The following GPR137 variants were observed in gnomAD, a reference collection of about 807,000 sequenced individuals.
The protein encoded by GPR137 is G protein-coupled receptor 137, also known as integral membrane protein GPR137.
Under a neutral mutation model 38.9 loss-of-function variants are expected in GPR137, and 20 were observed. That is an observed-to-expected ratio of 0.51 (90% CI 0.36 to 0.75). The LOEUF is 0.75. Ranked by LOEUF, GPR137 falls within the 30% of genes least tolerant of loss-of-function variation. The pLI is 0.00. For missense variants in GPR137, 456 were observed against 526.4 expected (o/e 0.87, Z 1.31); for synonymous variants, 226 against 235.8 (o/e 0.96, Z 0.38).
chr11:64,271,646 C>G (rs987988841), upstream of GPR137: 6 of 1,504,106 alleles, frequency 4.0e-6, no homozygotes, highest in Admixed American at 2.3e-5. Flanking sequence ...CACTCATCCT[C>G]CGGAGCTCGC....
chr11:64,284,393 T>C, upstream of GPR137: 1 of 1,611,978 alleles, frequency 6.2e-7, no homozygotes, highest in Non-Finnish European at 8.5e-7. Context: ...GGACAAGATG[T>C]TACGTAGTCA....
At chr11:64,278,231 C>T (rs1463339364) in intron 2 of GPR137, among the ~76,000 whole-genome samples, 1 of 151,854 alleles carries the variant, frequency 6.6e-6, no homozygotes, top group African/African-American at 2.4e-5. Flanking sequence ...AAATTTGAGG[C>T]TTTATAAATA....
chr11:64,286,116 C>T lies in GPR137; in HGVS notation c.-409C>T. ...GGCATTGGGCGCCCCTCGCAGCGGC[C>T]GCTGCCCTGACCCGACGGGTATCAG... On this transcript the variant is annotated 5_prime_UTR_variant, in exon 1 of 7. Coordinates refer to ENST00000438980, the MANE Select transcript of GPR137 (RefSeq NM_001170880.2). 2.0e-6 allele frequency: 2 copies of T among 1,006,072 alleles called. No individual in the cohort carries two copies. Among genetic ancestry groups the T allele is most frequent in the Non-Finnish European group, 2.4e-6 (2 of 844,072 alleles). 62.3% of individuals were successfully genotyped at this position (1,006,072 alleles called of 1,614,324 possible).
chr11:64,287,699 G>A (rs367782921), intron 2 of GPR137, 22 bp from the exon 3 acceptor site: 14 of 1,601,458 alleles, frequency 8.7e-6, no homozygotes, highest in African/African-American at 1.3e-5. Flanking sequence ...GAGGGCCCGC[G>A]CTGACTGTGC....
upstream of GPR137, chr11:64,285,669 C>G: frequency 1.0e-6 from 1 of 985,146 alleles, no homozygotes. Flanking sequence ...GCACGGCCCC[C>G]GCAACTCGGC....
upstream of GPR137, chr11:64,272,825 T>C (rs1452178101): frequency 3.9e-5 from 6 of 152,292 alleles, no homozygotes; most frequent in Admixed American, 6.5e-5. Context: ...TCCCCTTGTC[T>C]AGCCAGCCTT....
At chr11:64,276,933 C>A (rs1041823895) in intron 2 of GPR137, 5 of 761,226 alleles carry the variant, frequency 6.6e-6, no homozygotes, top group Non-Finnish European at 1.2e-5. Flanking sequence ...GCGTGTTGGG[C>A]TTCTGAGTCA....
chr11:64,281,093 GAGT>G (rs1319764068), upstream of GPR137, among the ~76,000 whole-genome samples: 1 of 151,186 alleles, frequency 6.6e-6, no homozygotes, highest in Non-Finnish European at 1.5e-5. Flanking sequence ...TCAGCCTCCA[GAGT>G]AGCTGGGACT....
chr11:64,284,570 C>A, upstream of GPR137: 1 of 1,493,582 alleles, frequency 6.7e-7, no homozygotes. Context: ...CTCAGTCTCC[C>A]CTCAGAACCC....
At chr11:64,282,911 AAAAT>A (rs1186244125), upstream of GPR137, among the ~76,000 whole-genome samples, 1 of 151,910 alleles carries the variant, frequency 6.6e-6, no homozygotes, top group Non-Finnish European at 1.5e-5. Flanking sequence ...GAAAAAGTAA[AAAAT>A]AAATTAACTG....
chr11:64,284,596 C>G, upstream of GPR137: 1 of 1,498,296 alleles, frequency 6.7e-7, no homozygotes, highest in Non-Finnish European at 8.9e-7. Flanking sequence ...GACCCAGGCC[C>G]CGCCCCGCCC....
upstream of GPR137, among the ~76,000 whole-genome samples, chr11:64,274,694 GC>G (rs2032920207): frequency 6.6e-6 from 1 of 152,088 alleles, no homozygotes; most frequent in African/African-American, 2.4e-5. Context: ...GGTGGCGCGA[GC>G]CTGTAATCCC....
At chr11:64,274,263 C>T (rs1457027829), upstream of GPR137, among the ~76,000 whole-genome samples, 1 of 151,778 alleles carries the variant, frequency 6.6e-6, no homozygotes, top group East Asian at 2.0e-4. Context: ...TGGCTGGCGC[C>T]TTAGTTCCAG....
chr11:64,285,878 C>A lies in GPR137; in HGVS notation c.-647C>A. 1 of 977,890 alleles carries A rather than the reference C, an allele frequency of 1.0e-6. No individual in the cohort carries two copies. Among genetic ancestry groups the A allele is most frequent in the Non-Finnish European group, 1.2e-6 (1 of 823,280 alleles). 60.6% of individuals were successfully genotyped at this position (977,890 alleles called of 1,614,324 possible). ...AGCGGGAGCCGGGGAGCCGGAGCCC[C>A]GGGTCCCCACGACCTGAGCCGGCTC... On this transcript the variant is annotated 5_prime_UTR_variant, in exon 1 of 7. Coordinates refer to ENST00000438980, the MANE Select transcript of GPR137 (RefSeq NM_001170880.2).
chr11:64,284,863 G>C (rs1380488105), upstream of GPR137: 1 of 1,491,146 alleles, frequency 6.7e-7, no homozygotes, highest in East Asian at 2.5e-5. Context: ...CGGCCCCGGG[G>C]CTCACATCCT....
At chr11:64,275,056 G>A (rs1432741783), upstream of GPR137, among the ~76,000 whole-genome samples, 2 of 149,348 alleles carry the variant, frequency 1.3e-5, no homozygotes, top group Non-Finnish European at 2.9e-5. Context: ...GAAAGGCCTA[G>A]GGTAAGATAG....
intron 1 of GPR137, chr11:64,275,897 C>G (rs368851097): frequency 6.6e-6 from 1 of 152,020 alleles, no homozygotes; most frequent in African/African-American, 2.4e-5. Flanking sequence ...CCTTGCCACA[C>G]CCTATCAGGG....
In GPR137 at chr11:64,288,253, G is replaced by T; in HGVS notation, c.783+39G>T. ...TGTCTGCCACCTCCTTAGTAGCCGT[G>T]GCACCTTGGCCCCAGCTGGCCTGGG... On this transcript the variant is annotated intron_variant, in intron 4 of 6. Coordinates refer to ENST00000438980, the MANE Select transcript of GPR137 (RefSeq NM_001170880.2). The surrounding 1 kb of genome is among the most constrained non-coding windows in gnomAD (Gnocchi z 5.5). The T allele has an allele frequency of 6.2e-7, 1 of 1,609,986 alleles. No homozygotes were observed.
chr11:64,288,003 A>T lies in GPR137; in HGVS notation c.633+57A>T, dbSNP rs775049968. The T allele has an allele frequency of 6.2e-7, 1 of 1,602,956 alleles. No homozygotes were observed. Among genetic ancestry groups the T allele is most frequent in the Non-Finnish European group, 8.5e-7 (1 of 1,179,898 alleles). On this transcript the variant is annotated intron_variant, in intron 3 of 6. Coordinates refer to ENST00000438980, the MANE Select transcript of GPR137 (RefSeq NM_001170880.2). This position sits in a 1 kb window ranked among gnomAD's most constrained non-coding sequence, Gnocchi z 5.5. The stretch of plus-strand genomic sequence containing the variant: ...TTTGGGTCTCTCGGCAGCGGTTCTC[A>T]GGGTGTAGAGGAAGCTGGGAGCCTT...
Sources: allele counts gnomAD v4.1 joint callset (sites outside exome capture counted in the v4.1 genomes callset), GRCh38; gene constraint gnomAD v4.1.1; non-coding constraint Gnocchi (gnomAD v3.1); transcripts MANE v1.5; gene names NCBI Gene and HGNC (gene_info 2026-07-23, HGNC 2026-07-21).